Variants in CENPE observed in about 807,000 individuals in gnomAD.
The protein encoded by CENPE is centromere protein E.
A neutral mutation model predicts 336.1 loss-of-function variants in CENPE; 145 were observed. The ratio of observed to expected loss-of-function variants is 0.43; its 90% confidence interval spans 0.38 to 0.50. The LOEUF (loss-of-function observed/expected upper bound fraction) is 0.50, where lower values mean the gene tolerates loss of function less well. Ranked by LOEUF, CENPE falls within the 20% of genes least tolerant of loss-of-function variation. The pLI is 0.00. For missense variants in CENPE, 2,719 were observed against 3,023.3 expected (o/e 0.90, Z 2.36); for synonymous variants, 1,013 against 984.8 (o/e 1.03, Z -0.54).
At chr4:103,167,742 A>G (rs1190133928) in intron 16 of CENPE, among the ~76,000 whole-genome samples, 2 of 152,204 alleles carry the variant, frequency 1.3e-5, no homozygotes, top group African/African-American at 2.4e-5. Context: ...AGTCCTGCCA[A>G]TTGTGCTCCC....
chr4:103,178,504 C>T (rs1046805500), intron 13 of CENPE, among the ~76,000 whole-genome samples: 2 of 152,164 alleles, frequency 1.3e-5, no homozygotes, highest in Non-Finnish European at 2.9e-5. Context: ...TCCATGTTTG[C>T]TCCAATTCAA....
Position 103,148,867 on chromosome 4 carries a change from A to T in CENPE, c.3820T>A (p.Ser1274Thr), listed in dbSNP as rs1170202337. The change falls in exon 28 of 49, where the codon TCC becomes ACC. Residue 1274 changes from serine to threonine, a missense_variant. Coordinates refer to ENST00000265148, the MANE Select transcript of CENPE (RefSeq NM_001813.3). Reference sequence around the variant, plus strand: ...ACCTCTTCTTGTAATTTGGTATGGGATTTTTCTAAGTCCTGAGTATTTATT... The same window carrying T: ...ACCTCTTCTTGTAATTTGGTATGGGTTTTTTCTAAGTCCTGAGTATTTATT... ...QIINTQDLEK[S>T]HTKLQEEIPV... 1.2e-6 allele frequency: 2 copies of T among 1,612,458 alleles called. No homozygotes were observed. Among genetic ancestry groups the T allele is most frequent in the Non-Finnish European group, 8.5e-7 (1 of 1,179,384 alleles).
chr4:103,144,915 A>C, intron 32 of CENPE, 135 bp downstream of exon 32: 1 of 731,696 alleles, frequency 1.4e-6, no homozygotes, highest in South Asian at 2.6e-5. Context: ...GAATATAAGC[A>C]GTTTTTGATT....
chr4:103,160,548 A>G, intron 21 of CENPE, 77 bp downstream of exon 21: 1 of 1,241,408 alleles, frequency 8.1e-7, no homozygotes, highest in East Asian at 2.5e-5. Flanking sequence ...AATAAACTAT[A>G]CCAAAATATT....
Position 103,148,844 on chromosome 4 carries a change from C to T in CENPE, c.3843G>A (p.Glu1281=), listed in dbSNP as rs757830293. The T allele has an allele frequency of 3.7e-6, 6 of 1,609,606 alleles. No homozygotes were observed. In the South Asian group the frequency reaches 5.6e-5, roughly 15 times the overall value. ...AGGATGAAAGGAATAAAAGACATAC[C>T]TCTTCTTGTAATTTGGTATGGGATT... The part of the protein sequence containing the change: ...LEKSHTKLQE[E]IPVLHEEQEL... The change falls in exon 28 of 49, where the codon GAG becomes GAA. Residue 1281 remains glutamate (E), a splice_region_variant and synonymous_variant. Coordinates refer to ENST00000265148, the MANE Select transcript of CENPE (RefSeq NM_001813.3).
In CENPE at chr4:103,114,489, A is replaced by T; in HGVS notation, c.7506T>A (p.Asn2502Lys). The stretch of plus-strand genomic sequence containing the variant: ...CTTGGGCCTGTTGACTTCTTCTGAG[A>T]TTTTCTCTCAATAGCCTTATAACTT... The part of the protein sequence containing the change: ...QKEVIRLLRE[N>K]LRRSQQAQDT... The change falls in exon 46 of 49, where the codon AAT becomes AAA. Residue 2502 changes from asparagine (N) to lysine (K), a missense_variant. Physicochemically the swap from Asn to Lys is moderately conservative, Grantham distance 94. This residue lies in a region of CENPE where 2,437 missense variants were observed against 2,513.3 expected (regional missense o/e 0.97). Coordinates refer to ENST00000265148, the MANE Select transcript of CENPE (RefSeq NM_001813.3). 1 of 1,611,882 alleles carries T rather than the reference A, an allele frequency of 6.2e-7. No individual in the cohort carries two copies.
chr4:103,187,960 C>G (rs900486718), intron 8 of CENPE, among the ~76,000 whole-genome samples: 20 of 151,884 alleles, frequency 1.3e-4, no homozygotes, highest in Non-Finnish European at 2.6e-4. Flanking sequence ...ATCTACCAAG[C>G]AAATGGAAAA....
chr4:103,182,650 G>T, intron 11 of CENPE, 112 bp downstream of exon 11: 1 of 813,628 alleles, frequency 1.2e-6, no homozygotes, highest in Non-Finnish European at 1.8e-6. Flanking sequence ...ACAACATATC[G>T]ATTATAACAG....
chr4:103,145,052 T>C lies in CENPE; in HGVS notation c.4855A>G (p.Lys1619Glu), dbSNP rs1752898126. ...LKENTKEIVA[K>E]MKESQEKEYQ... Reference sequence around the variant, plus strand: ...AAAAAAATAAGATGGGAACTTACTTTAGCTACAATTTCTTTAGTGTTTTCT... The same window carrying C: ...AAAAAAATAAGATGGGAACTTACTTCAGCTACAATTTCTTTAGTGTTTTCT... Residue 1619 changes from lysine to glutamate, a missense_variant and splice_region_variant, in exon 32 of 49, where the codon AAA becomes GAA. Around this residue, in one of 5 missense-constraint regions of CENPE, gnomAD observed 2,437 missense variants for 2,513.3 expected, o/e 0.97. Transcript: ENST00000265148. 2 of 1,497,092 alleles carry C rather than the reference T, an allele frequency of 1.3e-6. No individual in the cohort carries two copies. The highest frequency in any genetic ancestry group is 4.6e-5 in the Admixed American group (2 of 43,296). 92.7% of individuals were successfully genotyped at this position (1,497,092 alleles called of 1,614,324 possible).
rs1375784929 is a variant in CENPE, at chr4:103,136,074, C to A, written c.6522+67G>T. ...ATAGCAAATATGCCGGCACCTGAAG[C>A]AGGACTTAAATACATTGATGTTTAT... On this transcript the variant is annotated intron_variant, in intron 40 of 48. Coordinates refer to ENST00000265148, the MANE Select transcript of CENPE (RefSeq NM_001813.3). 5 of 1,307,612 alleles carry A rather than the reference C, an allele frequency of 3.8e-6. No individual in the cohort carries two copies. The East Asian group carries it at 1.2e-4, about 30-fold the overall frequency. 81.0% of individuals were successfully genotyped at this position (1,307,612 alleles called of 1,614,324 possible). A position where few individuals can be genotyped will look rare whatever the true frequency, so the allele number is the denominator to read the frequency against.
At chr4:103,123,365 G>C (rs1750810509) in intron 42 of CENPE, among the ~76,000 whole-genome samples, 1 of 152,084 alleles carries the variant, frequency 6.6e-6, no homozygotes, top group Non-Finnish European at 1.5e-5. Context: ...TAGCCACCCT[G>C]ATTATCCGAT....
chr4:103,180,006 T>A (rs1031987593), intron 13 of CENPE, among the ~76,000 whole-genome samples: 8 of 152,208 alleles, frequency 5.3e-5, no homozygotes, highest in African/African-American at 1.9e-4. Flanking sequence ...TAGAAAATAA[T>A]ATTTCCACAT....
At position 103,136,256 on chromosome 4, in the gene CENPE, A is replaced by C. The variant is rs1235439572; in HGVS notation, c.6407T>G (p.Met2136Arg). ...KEIEFQKELS[M>R]RVKANLSLPY... Reference sequence around the variant, plus strand: ...AAGTGAGAGGTTTGCTTTAACTCTCATTGAAAGCTCTTTTTGGAATTCAAT... The same window carrying C: ...AAGTGAGAGGTTTGCTTTAACTCTCCTTGAAAGCTCTTTTTGGAATTCAAT... The change falls in exon 40 of 49, where the codon ATG becomes AGG. Residue 2136 changes from methionine to arginine, a missense_variant. By Grantham distance (91) the Met-to-Arg change is moderately conservative. Around this residue, in one of 5 missense-constraint regions of CENPE, gnomAD observed 2,437 missense variants for 2,513.3 expected, o/e 0.97. Coordinates refer to ENST00000265148, the MANE Select transcript of CENPE (RefSeq NM_001813.3). 1.2e-6 allele frequency: 2 copies of C among 1,613,688 alleles called. No homozygotes were observed. Among genetic ancestry groups the C allele is most frequent in the African/African-American group, 1.3e-5 (1 of 74,920 alleles).
At chr4:103,121,317 C>T (rs1436765045) in intron 43 of CENPE, among the ~76,000 whole-genome samples, 1 of 152,040 alleles carries the variant, frequency 6.6e-6, no homozygotes, top group Non-Finnish European at 1.5e-5. Flanking sequence ...ACACATAGAT[C>T]TCTCCTATTT....
chr4:103,141,504 GT>G (rs1752559854), intron 35 of CENPE, among the ~76,000 whole-genome samples: 1 of 152,058 alleles, frequency 6.6e-6, no homozygotes, highest in South Asian at 2.1e-4. Context: ...TGAGTTTTCA[GT>G]TTTTTGTTAT....
rs199647753 is a variant in CENPE at position 103,149,298 on chromosome 4, G to A, written c.3507C>T (p.Asn1169=). 10 of 1,611,944 alleles carry A rather than the reference G, an allele frequency of 6.2e-6. No homozygotes were observed. In the East Asian group the frequency reaches 2.0e-4, roughly 32 times the overall value. Residue 1169 remains asparagine (N), a synonymous_variant, in exon 27 of 49, where the codon AAC becomes AAT. Coordinates refer to ENST00000265148, the MANE Select transcript of CENPE (RefSeq NM_001813.3). The part of the protein sequence containing the change: ...EIENLKNELK[N]KELTLEHMET... ...CCATATGTTCCAATGTCAATTCTTT[G>A]TTCTTTAATTCATTCTTTAAATTCT...
At position 103,161,448 on chromosome 4, in the gene CENPE, C is replaced by T. The variant is rs1754435576; in HGVS notation, c.1852G>A (p.Glu618Lys). ...GTCTGCTTCATTTGTTTTGGGTCTT[C>T]AATGCTTTCCTAGACAGATGACAAA... ...MDLSYSLESI[E>K]DPKQMKQTLF... The change falls in exon 19 of 49, where the codon GAA becomes AAA. Residue 618 changes from glutamate (E) to lysine (K), a missense_variant. Physicochemically the swap from Glu to Lys is moderately conservative, Grantham distance 56 (BLOSUM62 1). Transcript: ENST00000265148. 1 of 1,609,072 alleles carries T rather than the reference C, an allele frequency of 6.2e-7. No individual in the cohort carries two copies. The highest frequency in any genetic ancestry group is 8.5e-7 in the Non-Finnish European group (1 of 1,178,164).
In CENPE at chr4:103,176,958, G is replaced by T; in HGVS notation, c.1331C>A (p.Thr444Lys). The T allele has an allele frequency of 6.3e-7, 1 of 1,596,548 alleles. No individual in the cohort carries two copies. Among genetic ancestry groups the T allele is most frequent in the African/African-American group, 1.3e-5 (1 of 74,294 alleles). ...SNYADQFNIPTNITTKTHKLS... is the reference protein window; with the variant it reads ...SNYADQFNIPKNITTKTHKLS... ...CTTATGTGTTTTTGTTGTTATATTT[G>T]TTGGTATATTAAATTGATCTGCATA... The change falls in exon 14 of 49, where the codon ACA becomes AAA. Residue 444 changes from threonine (T) to lysine (K), a missense_variant. Physicochemically the swap from Thr to Lys is moderately conservative, Grantham distance 78 (BLOSUM62 -1). Around this residue, in one of 5 missense-constraint regions of CENPE, gnomAD observed 2,437 missense variants for 2,513.3 expected, o/e 0.97. Transcript: ENST00000265148.
At chr4:103,181,297 T>C (rs762601501) in intron 12 of CENPE, 40 bp downstream of exon 12, 2 of 1,396,506 alleles carry the variant, frequency 1.4e-6, no homozygotes, top group East Asian at 5.3e-5. Context: ...CATTCTAAAT[T>C]GGTTCTTTCA....
Sources: gnomAD v4.1 joint callset for allele counts (sites outside exome capture counted in the v4.1 genomes callset) on GRCh38, gnomAD v4.1.1 for gene constraint, gnomAD v4.1.1 regional missense constraint, MANE v1.5 for transcripts, NCBI Gene and HGNC (gene_info 2026-07-23, HGNC 2026-07-21) for gene names.